DNAH7: variants seen among roughly 807,000 people sequenced by gnomAD.
DNAH7 encodes the protein axonemal beta dynein heavy chain 7.
A neutral mutation model predicts 444.6 loss-of-function variants in DNAH7; 397 were observed. The observed-to-expected ratio is 0.89, with a 90% CI of 0.82 to 0.97. The LOEUF (loss-of-function observed/expected upper bound fraction) is 0.97, where lower values mean the gene tolerates loss of function less well. Ranked by LOEUF, DNAH7 falls within the 50% of genes least tolerant of loss-of-function variation. The pLI is 0.00. For synonymous variants in DNAH7, 1,636 were observed against 1,624.4 expected, an observed-to-expected ratio of 1.01 and a Z score of -0.17; for missense variants, 4,902 against 4,800.8, an observed-to-expected ratio of 1.02 and a Z score of -0.62.
At chr2:195,770,288 G>T (rs1219201073) in intron 61 of DNAH7, among the ~76,000 whole-genome samples, 1 of 152,094 alleles carries the variant, frequency 6.6e-6, no homozygotes, top group African/African-American at 2.4e-5. Context: ...TGTAGAATGG[G>T]TCATTTCACT....
intron 1 of DNAH7, among the ~76,000 whole-genome samples, chr2:196,059,885 A>G (rs1337558386): frequency 6.6e-6 from 1 of 152,132 alleles, no homozygotes; most frequent in African/African-American, 2.4e-5. Context: ...CTTCGAGCAG[A>G]GAGTCTCTGC....
chr2:195,963,278 G>A (rs958270441), intron 17 of DNAH7, among the ~76,000 whole-genome samples: 23 of 152,114 alleles, frequency 1.5e-4, no homozygotes, highest in Admixed American at 4.6e-4. Context: ...AGCAGTTATT[G>A]ACTGTTTTTT....
intron 63 of DNAH7, among the ~76,000 whole-genome samples, chr2:195,753,827 A>G (rs958297314): frequency 6.6e-6 from 1 of 152,172 alleles, no homozygotes; most frequent in African/African-American, 2.4e-5. Context: ...TATTAGCTAT[A>G]AGTTTTGGAA....
intron 15 of DNAH7, among the ~76,000 whole-genome samples, chr2:195,973,735 A>G (rs1692000503): frequency 6.6e-6 from 1 of 151,888 alleles, no homozygotes; most frequent in African/African-American, 2.4e-5. Context: ...GCCTCCCCAA[A>G]TGCTGGAATT....
At chr2:195,738,955 A>AT (rs1320378355) in intron 64 of DNAH7, among the ~76,000 whole-genome samples, 30 of 152,210 alleles carry the variant, frequency 2.0e-4, no homozygotes, top group Admixed American at 1.6e-3. Context: ...TGGAATCCAG[A>AT]TTTTCATAAG....
intron 39 of DNAH7, 22 bp from the exon 40 acceptor site, chr2:195,872,491 A>C: frequency 6.7e-7 from 1 of 1,497,852 alleles, no homozygotes; most frequent in East Asian, 2.4e-5. Flanking sequence ...TTTAAATAAA[A>C]AGAAAGGAAA....
chr2:195,845,016 A>G lies in DNAH7; in HGVS notation c.8931T>C (p.Asn2977=), dbSNP rs1440496032. The G allele has an allele frequency of 1.2e-6, 2 of 1,613,350 alleles. No homozygotes were observed. Among genetic ancestry groups the G allele is most frequent in the East Asian group, 2.2e-5 (1 of 44,790 alleles). ...GLPSDSFSID[N]GIIIMNARRW... Reference sequence around the variant, plus strand: ...ATTTTTCTTACATTATGATTATCCCATTATCAATGGAAAATGAGTCAGAAG... The same window carrying G: ...ATTTTTCTTACATTATGATTATCCCGTTATCAATGGAAAATGAGTCAGAAG... The change falls in exon 47 of 65, where the codon AAT becomes AAC. Residue 2977 remains asparagine, a synonymous_variant. Coordinates refer to ENST00000312428, the MANE Select transcript of DNAH7 (RefSeq NM_018897.3).
At chr2:195,749,844 A>C (rs1388733279) in intron 63 of DNAH7, among the ~76,000 whole-genome samples, 3 of 85,510 alleles carry the variant, frequency 3.5e-5, no homozygotes, top group East Asian at 3.9e-4. Flanking sequence ...GGGAAGGGGG[A>C]GGGGGGAGGG....
rs1490091760 is a variant in DNAH7 at position 195,778,000 on chromosome 2, G to A, written c.10879-15C>T. The A allele has an allele frequency of 1.3e-6, 2 of 1,582,006 alleles. No homozygotes were observed. Among genetic ancestry groups the A allele is most frequent in the South Asian group, 2.3e-5 (2 of 86,722 alleles). ...TACGGCAGTTCCTAAAATAGTGCGTGTCAGTCAACCAGTTATCAGTAGCAT... is the reference window on the plus strand; with the variant it reads ...TACGGCAGTTCCTAAAATAGTGCGTATCAGTCAACCAGTTATCAGTAGCAT... On this transcript the variant is annotated splice_polypyrimidine_tract_variant and intron_variant, in intron 58 of 64. Coordinates refer to ENST00000312428, the MANE Select transcript of DNAH7 (RefSeq NM_018897.3).
chr2:196,040,776 T>C (rs1113234), intron 5 of DNAH7, among the ~76,000 whole-genome samples: 5,354 of 152,154 alleles, frequency 0.035, 274 homozygotes, highest in African/African-American at 0.12. Flanking sequence ...AGAAGTCAAA[T>C]TGTTCTTGTT....
chr2:196,064,386 C>A (rs1447856743), intron 1 of DNAH7, among the ~76,000 whole-genome samples: 1 of 151,036 alleles, frequency 6.6e-6, no homozygotes, highest in African/African-American at 2.4e-5. Flanking sequence ...AAAAACAAAA[C>A]CTTCAATTGT....
chr2:195,750,003 T>G (rs1438208781), intron 63 of DNAH7, among the ~76,000 whole-genome samples: 4 of 151,566 alleles, frequency 2.6e-5, no homozygotes, highest in African/African-American at 9.7e-5. Flanking sequence ...TAAAATAAAA[T>G]AAAGAAATAA....
chr2:195,919,394 G>C (rs1687883758), intron 24 of DNAH7, among the ~76,000 whole-genome samples: 1 of 151,906 alleles, frequency 6.6e-6, no homozygotes, highest in Non-Finnish European at 1.5e-5. Flanking sequence ...ACCCAGGCTG[G>C]AGTGCAGTGG....
intron 58 of DNAH7, among the ~76,000 whole-genome samples, chr2:195,785,345 GT>G (rs1695568278): frequency 6.6e-6 from 1 of 152,084 alleles, no homozygotes; most frequent in East Asian, 1.9e-4. Flanking sequence ...GTGTGTGTGT[GT>G]TTTTAATTTA....
At chr2:195,816,592 A>G (rs765395304) in intron 51 of DNAH7, 36 bp downstream of exon 51, 1 of 1,408,990 alleles carries the variant, frequency 7.1e-7, no homozygotes, top group East Asian at 2.3e-5. Flanking sequence ...TTCATGCATT[A>G]ATTAGTTAAT....
At chr2:195,834,384 G>A in intron 47 of DNAH7, 24 bp from the exon 48 acceptor site, 2 of 1,574,908 alleles carry the variant, frequency 1.3e-6, no homozygotes, top group Non-Finnish European at 1.7e-6. Context: ...GAAAGACGAT[G>A]CTGGTCAAGC....
intron 16 of DNAH7, among the ~76,000 whole-genome samples, chr2:195,970,826 T>C (rs1483142247): frequency 6.6e-6 from 1 of 152,248 alleles, no homozygotes; most frequent in Non-Finnish European, 1.5e-5. Context: ...TTATCTAGGC[T>C]GATTTATGTC....
At chr2:195,878,594 T>C (rs576122375) in intron 36 of DNAH7, among the ~76,000 whole-genome samples, 2 of 152,264 alleles carry the variant, frequency 1.3e-5, no homozygotes, top group South Asian at 2.1e-4. Flanking sequence ...AGCAAGACCC[T>C]GTCTCTCAAA....
At chr2:195,933,755 G>C (rs912054490) in intron 21 of DNAH7, among the ~76,000 whole-genome samples, 2 of 133,012 alleles carry the variant, frequency 1.5e-5, no homozygotes, top group Admixed American at 1.5e-4. Context: ...GTTGTGGGGT[G>C]GGGGGTGGGG....
Sources: allele counts gnomAD v4.1 joint callset (sites outside exome capture counted in the v4.1 genomes callset), GRCh38; gene constraint gnomAD v4.1.1; transcripts MANE v1.5; gene names NCBI Gene and HGNC (gene_info 2026-07-23, HGNC 2026-07-21).